SLC26A4: variants seen among roughly 807,000 people sequenced by gnomAD.
SLC26A4 encodes pendrin.
Under a neutral mutation model 90.4 loss-of-function variants are expected in SLC26A4, and 93 were observed. That is an observed-to-expected ratio of 1.03 (90% confidence interval 0.87 to 1.22). SLC26A4 has a LOEUF of 1.22. Ranked by LOEUF, SLC26A4 falls within the 50% of genes most tolerant of loss-of-function variation. The probability of loss-of-function intolerance (pLI) is 0.00; values close to 1 mark genes in which losing one functional copy is unlikely to be tolerated. For missense variants in SLC26A4, 1,127 were observed against 946.2 expected, an observed-to-expected ratio of 1.19 and a Z score of -2.51; for synonymous variants, 393 against 354.6, an observed-to-expected ratio of 1.11 and a Z score of -1.22.
In SLC26A4 at chr7:107,688,677, A is replaced by T. The variant is rs146020465; in HGVS notation, c.1002-376A>T. On this transcript the variant is annotated intron_variant, in intron 8 of 20. Coordinates refer to ENST00000644269, the MANE Select transcript of SLC26A4 (RefSeq NM_000441.2). ...CAGTAAATCTCATATTATGGCTAGA[A>T]TCTCTTTTAAATTCAAAGAACTTTA... is the stretch of plus-strand genomic sequence containing the variant. 5.3e-3 allele frequency among the ~76,000 whole-genome samples: 808 copies of T among 152,344 alleles called. 3 individuals carry two copies. Among genetic ancestry groups the T allele is most frequent in the African/African-American group, 0.018 (767 of 41,576 alleles).
chr7:107,712,536 A>C lies in SLC26A4; in HGVS notation c.2236-3A>C. The C allele has an allele frequency of 6.6e-7, 1 of 1,511,316 alleles. No homozygotes were observed. Among genetic ancestry groups the C allele is most frequent in the Non-Finnish European group, 9.2e-7 (1 of 1,086,428 alleles). The allele number at this position is 1,511,316 out of a possible 1,614,324, so 93.6% of individuals were successfully genotyped here. ...ATTTCTACCCTGTGTTCTCTTTTTCAAGATCACTCTCATTCAGGATTGTAA... is the reference window on the plus strand; with the variant it reads ...ATTTCTACCCTGTGTTCTCTTTTTCCAGATCACTCTCATTCAGGATTGTAA... On this transcript the variant is annotated splice_region_variant and splice_polypyrimidine_tract_variant and intron_variant, in intron 19 of 20. Transcript: ENST00000644269.
rs533011328 is a variant in SLC26A4 at position 107,693,943 on chromosome 7, G to T, written c.1264-460G>T. On this transcript the variant is annotated intron_variant, in intron 10 of 20. Transcript: ENST00000644269. ...ACAAGTACGAAGTGTTATCAGAGTT[G>T]CTATTATAGCTGCAGCTTCAATAAT... Among the ~76,000 whole-genome samples the T allele has an allele frequency of 3.5e-4, 53 of 152,182 alleles. 1 individual carries two copies. The highest frequency in any genetic ancestry group is 3.5e-3 in the Admixed American group (53 of 15,272).
chr7:107,693,203 C>T, intron 10 of SLC26A4: 1 of 644,254 alleles, frequency 1.6e-6, no homozygotes, highest in Non-Finnish European at 1.9e-6. Context: ...AGTAGGATAT[C>T]AGCTTCTCTG....
chr7:107,690,151 A>T lies in SLC26A4; in HGVS notation c.1177A>T (p.Ile393Phe), dbSNP rs780574717. ...ATTCATTGCCTTTGGGATCAGCAAC[A>T]TCTTCTCAGGATTCTTCTCTTGTTT... The part of the protein sequence containing the change: ...QEFIAFGISN[I>F]FSGFFSCFVA... The change falls in exon 10 of 21, where the codon ATC (isoleucine) becomes TTC (phenylalanine). Residue 393 changes from isoleucine (I) to phenylalanine (F), a missense_variant. Ile to Phe is a conservative substitution (Grantham distance 21). Coordinates refer to ENST00000644269, the MANE Select transcript of SLC26A4 (RefSeq NM_000441.2). 8 of 1,612,492 alleles carry T rather than the reference A, an allele frequency of 5.0e-6. No individual in the cohort carries two copies. The highest frequency in any genetic ancestry group is 6.8e-6 in the Non-Finnish European group (8 of 1,178,550).
chr7:107,674,667 C>A (rs895055737), intron 5 of SLC26A4, among the ~76,000 whole-genome samples: 3 of 152,124 alleles, frequency 2.0e-5, no homozygotes, highest in Admixed American at 1.3e-4. Flanking sequence ...AGACACAGGA[C>A]CGAAAGCCAC....
At position 107,688,975 on chromosome 7, in the gene SLC26A4, A is replaced by C. The variant is rs144465575; in HGVS notation, c.1002-78A>C. 50 of 1,426,590 alleles carry C rather than the reference A, an allele frequency of 3.5e-5. No homozygotes were observed. The African/African-American group carries it at 6.7e-4, about 19-fold the overall frequency. 88.4% of individuals were successfully genotyped at this position (1,426,590 alleles called of 1,614,324 possible). On this transcript the variant is annotated intron_variant, in intron 8 of 20. Transcript: ENST00000644269. ...TTTCATGTCTAATATGTGACTGAGCAGATATAGCATTTGATGAGATGGGGA... is the reference window on the plus strand; with the variant it reads ...TTTCATGTCTAATATGTGACTGAGCCGATATAGCATTTGATGAGATGGGGA...
At chr7:107,694,875 C>T (rs1385321636) in intron 12 of SLC26A4, among the ~76,000 whole-genome samples, 159 bp downstream of exon 12, 4 of 152,210 alleles carry the variant, frequency 2.6e-5, no homozygotes, top group Admixed American at 1.3e-4. Context: ...GCCATGAAGT[C>T]TTCCATGTGA....
chr7:107,689,011 TG>T, intron 8 of SLC26A4, 41 bp from the exon 9 acceptor site: 1 of 1,608,816 alleles, frequency 6.2e-7, no homozygotes, highest in Non-Finnish European at 8.5e-7. Context: ...AAAAGGATGG[TG>T]GTCAAATCTT....
Position 107,662,121 on chromosome 7 carries a change from T to A in SLC26A4, c.164+316T>A, listed in dbSNP as rs1790577175. ...GGAGTGCCTCTTGGGGTACAGTGGG[T>A]CCCTGTTGCCTTCTTGGGAGCTTGT... On this transcript the variant is annotated intron_variant, in intron 2 of 20. Transcript: ENST00000644269. The A allele has an allele frequency of 9.0e-6, 4 of 444,064 alleles. No homozygotes were observed. The East Asian group carries it at 1.3e-4, about 14-fold the overall frequency. 27.5% of individuals were successfully genotyped at this position (444,064 alleles called of 1,614,324 possible).
intron 10 of SLC26A4, among the ~76,000 whole-genome samples, chr7:107,691,514 T>TATACACACACACACAC (rs1417607238): frequency 6.1e-5 from 8 of 130,976 alleles, no homozygotes; most frequent in South Asian, 5.2e-4. Context: ...AATATATATA[T>TATACACACACACACAC]ACACACACAC....
chr7:107,663,334 T>G lies in SLC26A4; in HGVS notation c.203T>G (p.Leu68Arg). The G allele has an allele frequency of 1.2e-6, 2 of 1,614,216 alleles. No individual in the cohort carries two copies. The highest frequency in any genetic ancestry group is 1.7e-6 in the Non-Finnish European group (2 of 1,180,030). ...AGAGCCTTTGGTGTGCTAAAGACTC[T>G]TGTGCCCATCTTGGAGTGGCTCCCC... ...RKRAFGVLKT[L>R]VPILEWLPKY... Residue 68 changes from leucine (L) to arginine (R), a missense_variant, in exon 3 of 21, where the codon CTT becomes CGT. Transcript: ENST00000644269.
At chr7:107,673,344 T>G (rs1237315352) in intron 4 of SLC26A4, among the ~76,000 whole-genome samples, 3 of 152,126 alleles carry the variant, frequency 2.0e-5, no homozygotes, top group African/African-American at 7.2e-5. Flanking sequence ...AAAAAATGTT[T>G]TGTCTTACAA....
At chr7:107,678,663 C>T (rs1423142295) in intron 6 of SLC26A4, among the ~76,000 whole-genome samples, 1 of 151,966 alleles carries the variant, frequency 6.6e-6, no homozygotes, top group African/African-American at 2.4e-5. Flanking sequence ...GCAAGAAACT[C>T]CTCACAGGCC....
At chr7:107,680,395 AATCTT>A (rs71134281) in intron 6 of SLC26A4, among the ~76,000 whole-genome samples, 94 of 143,464 alleles carry the variant, frequency 6.6e-4, no homozygotes, top group African/African-American at 2.2e-3. Flanking sequence ...ATTATTATAT[AATCTT>A]ATCTTATTAT....
At chr7:107,689,347 T>G in intron 9 of SLC26A4, 147 bp downstream of exon 9, 3 of 790,070 alleles carry the variant, frequency 3.8e-6, no homozygotes, top group East Asian at 2.6e-5. Flanking sequence ...TGTTTGCTAA[T>G]TAGAAATTAT....
At chr7:107,700,199 T>C (rs1791850141) in intron 15 of SLC26A4, 24 bp downstream of exon 15, 1 of 1,252,576 alleles carries the variant, frequency 8.0e-7, no homozygotes, top group African/African-American at 1.5e-5. Context: ...CCCTAGAAAT[T>C]TGTTTTCTAA....
At position 107,663,331 on chromosome 7, in the gene SLC26A4, C is replaced by T. The variant is rs111033240; in HGVS notation, c.200C>T (p.Thr67Ile). ...AAGAGAGCCTTTGGTGTGCTAAAGA[C>T]TCTTGTGCCCATCTTGGAGTGGCTC... Reference protein sequence around the residue: ...SRKRAFGVLKTLVPILEWLPK... With the variant: ...SRKRAFGVLKILVPILEWLPK... Residue 67 changes from threonine to isoleucine, a missense_variant, in exon 3 of 21, where the codon ACT (threonine) becomes ATT (isoleucine). Physicochemically the swap from Thr to Ile is moderately conservative, Grantham distance 89 (BLOSUM62 -1). Coordinates refer to ENST00000644269, the MANE Select transcript of SLC26A4 (RefSeq NM_000441.2). 1.2e-6 allele frequency: 2 copies of T among 1,614,058 alleles called. No homozygotes were observed. The highest frequency in any genetic ancestry group is 4.5e-5 in the East Asian group (2 of 44,902).
At chr7:107,666,874 G>A (rs1286259018) in intron 3 of SLC26A4, among the ~76,000 whole-genome samples, 1 of 152,154 alleles carries the variant, frequency 6.6e-6, no homozygotes, top group Non-Finnish European at 1.5e-5. Flanking sequence ...TGGCCCTGTG[G>A]GGATATTGCT....
chr7:107,675,719 G>A (rs185507318), intron 6 of SLC26A4, among the ~76,000 whole-genome samples: 3,065 of 151,672 alleles, frequency 0.02, 42 homozygotes, highest in Middle Eastern at 0.061. Context: ...GATTACAGGC[G>A]CCCGCCACCA....
Sources: gnomAD v4.1 joint callset for allele counts (sites outside exome capture counted in the v4.1 genomes callset) on GRCh38, gnomAD v4.1.1 for gene constraint, MANE v1.5 for transcripts, NCBI Gene and HGNC (gene_info 2026-07-23, HGNC 2026-07-21) for gene names.